The following CREM variants were observed in gnomAD, a reference collection of about 807,000 sequenced individuals.
The protein encoded by CREM is cAMP responsive element modulator.
In CREM, 13 loss-of-function variants were observed where a neutral mutation model predicts 37.3. The ratio of observed to expected loss-of-function variants is 0.35; its 90% CI spans 0.23 to 0.55. CREM has a LOEUF of 0.55. CREM is among the 20% of genes least tolerant of loss of function. The pLI, the probability that CREM is intolerant of heterozygous loss-of-function variation, is 0.88. For missense variants in CREM, 296 were observed against 362.3 expected (o/e 0.82, Z 1.49); for synonymous variants, 124 against 120.2 (o/e 1.03, Z -0.21).
intron 3 of CREM, among the ~76,000 whole-genome samples, chr10:35,151,964 A>G (rs960920462): frequency 6.6e-6 from 1 of 152,188 alleles, no homozygotes; most frequent in Non-Finnish European, 1.5e-5. Flanking sequence ...GGAGTAGGAA[A>G]TCAAGCTGAA....
intron 5 of CREM, among the ~76,000 whole-genome samples, chr10:35,181,047 T>G (rs11592356): frequency 0.14 from 20,678 of 152,294 alleles, 1,599 homozygotes; most frequent in South Asian, 0.2. Context: ...CTAATGCTAC[T>G]TAGGACTTCT....
At chr10:35,141,356 C>CGT (rs1270208343) in intron 2 of CREM, among the ~76,000 whole-genome samples, 1 of 152,150 alleles carries the variant, frequency 6.6e-6, no homozygotes, top group Non-Finnish European at 1.5e-5. Context: ...GTTTTAGAAA[C>CGT]ATAACTATTG....
At position 35,207,040 on chromosome 10, in the gene CREM, A is replaced by G; in HGVS notation, c.744A>G (p.Leu248=). ...CAACACGCAAACGAGAGCTGAGGCT[A>G]ATGAAAAACAGGTGAGGTGTTGCAC... is the stretch of plus-strand genomic sequence containing the variant. ...EEATRKRELR[L]MKNREAAREC... Residue 248 remains leucine (L), a synonymous_variant, in exon 7 of 8, where the codon CTA becomes CTG. Coordinates refer to ENST00000685392, the MANE Select transcript of CREM (RefSeq NM_183011.2). 1.2e-6 allele frequency: 2 copies of G among 1,612,658 alleles called. No homozygotes were observed. Among genetic ancestry groups the G allele is most frequent in the Middle Eastern group, 1.7e-4 (1 of 6,032 alleles).
intron 3 of CREM, chr10:35,175,601 C>T (rs1467310972): frequency 6.8e-7 from 1 of 1,472,024 alleles, no homozygotes; most frequent in Non-Finnish European, 9.5e-7. Flanking sequence ...TTGGAACATT[C>T]TTAGCCACCG....
At chr10:35,196,227 T>A in intron 6 of CREM, 1 of 828,786 alleles carries the variant, frequency 1.2e-6, no homozygotes, top group South Asian at 1.7e-5. Flanking sequence ...GAACTTGCGA[T>A]TCAGAGCTCC....
intron 3 of CREM, among the ~76,000 whole-genome samples, chr10:35,160,299 C>T (rs1057017052): frequency 5.3e-5 from 8 of 152,154 alleles, no homozygotes; most frequent in Non-Finnish European, 5.9e-5. Flanking sequence ...GTATAGGGCA[C>T]AAAACCATAG....
At chr10:35,199,132 G>A (rs1268814796) in intron 6 of CREM, among the ~76,000 whole-genome samples, 1 of 152,224 alleles carries the variant, frequency 6.6e-6, no homozygotes, top group African/African-American at 2.4e-5. Flanking sequence ...CTGGGTGACA[G>A]AGCGAGACTC....
intron 3 of CREM, among the ~76,000 whole-genome samples, chr10:35,176,547 A>T (rs965164920): frequency 6.6e-6 from 1 of 151,684 alleles, no homozygotes. Flanking sequence ...AGCTGGGACT[A>T]CAGGCGCCCG....
chr10:35,188,498 G>A, intron 6 of CREM, 110 bp downstream of exon 6: 1 of 898,736 alleles, frequency 1.1e-6, no homozygotes, highest in Non-Finnish European at 1.6e-6. Flanking sequence ...ATGGTGGGGG[G>A]TTGGGAGGCA....
At position 35,148,371 on chromosome 10, in the gene CREM, A is replaced by G; in HGVS notation, c.48A>G (p.Gln16=). The G allele has an allele frequency of 1.9e-6, 3 of 1,610,112 alleles. No individual in the cohort carries two copies. The highest frequency in any genetic ancestry group is 1.7e-4 in the Middle Eastern group (1 of 6,048). ...TTCCTTTTTATTGTCTTTTCAGACA[A>G]ATGACCATGGAAACAGTTGAATCCC... The part of the protein sequence containing the change: ...RKKYIKTNPR[Q]MTMETVESQH... Residue 16 remains glutamine (Q), a synonymous_variant, in exon 3 of 8, where the codon CAA becomes CAG. Coordinates refer to ENST00000685392, the MANE Select transcript of CREM (RefSeq NM_183011.2).
chr10:35,196,043 A>G (rs1319222972), intron 6 of CREM: 1 of 1,613,908 alleles, frequency 6.2e-7, no homozygotes, highest in Non-Finnish European at 8.5e-7. Flanking sequence ...AGAGGGAAAC[A>G]CGTCATGAAA....
intron 3 of CREM, among the ~76,000 whole-genome samples, chr10:35,152,834 T>G (rs2092679615): frequency 6.6e-6 from 1 of 152,192 alleles, no homozygotes; most frequent in African/African-American, 2.4e-5. Context: ...CCGGAAATAA[T>G]ATTGTTTTTA....
intron 3 of CREM, among the ~76,000 whole-genome samples, chr10:35,159,944 G>T (rs2093183260): frequency 6.6e-6 from 1 of 152,148 alleles, no homozygotes; most frequent in South Asian, 2.1e-4. Flanking sequence ...CATAAAAATG[G>T]CCAAGTACAG....
chr10:35,186,015 G>T (rs1343480917), intron 5 of CREM, among the ~76,000 whole-genome samples: 1 of 152,148 alleles, frequency 6.6e-6, no homozygotes, highest in Non-Finnish European at 1.5e-5. Flanking sequence ...CTTTAAAAAC[G>T]TTTGGAAATG....
At chr10:35,177,331 T>A (rs929059481) in intron 3 of CREM, among the ~76,000 whole-genome samples, 8 of 152,358 alleles carry the variant, frequency 5.3e-5, no homozygotes, top group African/African-American at 1.9e-4. Flanking sequence ...GAGTTTCTAA[T>A]TCTTTCTGAC....
chr10:35,206,127 A>G (rs2095514581), intron 6 of CREM, among the ~76,000 whole-genome samples: 2 of 152,090 alleles, frequency 1.3e-5, no homozygotes, highest in Non-Finnish European at 2.9e-5. Context: ...AGGCGCCTGT[A>G]GTCCCAGCTA....
At chr10:35,153,156 A>C (rs987306610) in intron 3 of CREM, among the ~76,000 whole-genome samples, 14 of 151,424 alleles carry the variant, frequency 9.2e-5, no homozygotes, top group African/African-American at 3.1e-4. Context: ...AGACCAGTGG[A>C]TTGCTTGAGC....
chr10:35,205,765 C>G (rs1482107883), intron 6 of CREM, among the ~76,000 whole-genome samples: 2 of 152,034 alleles, frequency 1.3e-5, no homozygotes, highest in Non-Finnish European at 1.5e-5. Flanking sequence ...TCAAGACCAG[C>G]CTGGCCAACA....
chr10:35,145,517 C>G (rs922938639), intron 2 of CREM, among the ~76,000 whole-genome samples: 9 of 152,150 alleles, frequency 5.9e-5, no homozygotes, highest in African/African-American at 2.2e-4. Flanking sequence ...CAATGGCTCA[C>G]GCCTAGTAAT....
Sources: allele counts gnomAD v4.1 joint callset (sites outside exome capture counted in the v4.1 genomes callset), GRCh38; gene constraint gnomAD v4.1.1; transcripts MANE v1.5; gene names NCBI Gene and HGNC (gene_info 2026-07-23, HGNC 2026-07-21).